The following DOCK10 variants were observed in gnomAD, a reference collection of about 807,000 sequenced individuals.
The protein encoded by DOCK10 is dedicator of cytokinesis protein 10.
DOCK10 carries 145 observed loss-of-function variants against 280.1 expected under a neutral mutation model. The ratio of observed to expected loss-of-function variants is 0.52; its 90% CI spans 0.45 to 0.59. The LOEUF is 0.59. Among genes scored for constraint, DOCK10 ranks in the 20% least tolerant of loss-of-function variants. The pLI is 0.00. For synonymous variants in DOCK10, 915 were observed against 942.2 expected (o/e 0.97, Z 0.53); for missense variants, 2,368 against 2,651.7 (o/e 0.89, Z 2.35).
chr2:224,962,683 C>T (rs574804311), intron 1 of DOCK10, among the ~76,000 whole-genome samples: 4 of 152,256 alleles, frequency 2.6e-5, no homozygotes, highest in African/African-American at 4.8e-5. Context: ...GAATTAGGAG[C>T]CAGAATGCAT....
chr2:224,957,296 G>GCCT (rs1553622591), intron 1 of DOCK10, among the ~76,000 whole-genome samples: 1 of 59,104 alleles, frequency 1.7e-5, no homozygotes, highest in Non-Finnish European at 4.2e-5. Context: ...CCCCCCCCCG[G>GCCT]CTTTGTTTTT....
At chr2:224,769,076 A>C in intron 55 of DOCK10, 1 of 375,754 alleles carries the variant, frequency 2.7e-6, no homozygotes. Context: ...TTTTTATTTC[A>C]CTCCCAGATT....
chr2:224,829,738 C>A (rs903398456), intron 27 of DOCK10, among the ~76,000 whole-genome samples: 5 of 152,172 alleles, frequency 3.3e-5, no homozygotes, highest in African/African-American at 1.2e-4. Flanking sequence ...GGTGAGTCAC[C>A]AAGACCTTCG....
At chr2:224,829,888 A>C (rs1405645807) in intron 27 of DOCK10, among the ~76,000 whole-genome samples, 1 of 152,172 alleles carries the variant, frequency 6.6e-6, no homozygotes, top group Non-Finnish European at 1.5e-5. Flanking sequence ...TCCTTTCAGG[A>C]GGGGAGGCCC....
At chr2:224,781,942 A>T (rs983029033) in intron 50 of DOCK10, among the ~76,000 whole-genome samples, 1 of 152,084 alleles carries the variant, frequency 6.6e-6, no homozygotes, top group African/African-American at 2.4e-5. Flanking sequence ...ATTTTATTAG[A>T]CTCATTCAAA....
In DOCK10 at chr2:224,834,236, C is replaced by A. The variant is rs1235420916; in HGVS notation, c.2878G>T (p.Glu960Ter). ...GCCAGTTCCTCATGTACAGTCCTCT[C>A]CTTGCATGCCCTGGTCTTGAACACG... ...KFVFKTRACK[E>*]RTVHEELAKN... Residue 960 changes from glutamate to a stop codon, truncating the protein, a stop_gained, in exon 26 of 56, where the codon GAG (glutamate) becomes TAG (stop). Coordinates refer to ENST00000258390, the MANE Select transcript of DOCK10 (RefSeq NM_014689.3). LOFTEE classifies it high-confidence loss of function. 1 of 1,611,572 alleles carries A rather than the reference C, an allele frequency of 6.2e-7. No homozygotes were observed. The highest frequency in any genetic ancestry group is 1.7e-5 in the Admixed American group (1 of 59,868).
chr2:225,000,205 GACACACACAC>G (rs773265503), intron 1 of DOCK10, among the ~76,000 whole-genome samples: 1 of 121,128 alleles, frequency 8.3e-6, no homozygotes, highest in Non-Finnish European at 1.9e-5. Flanking sequence ...CACACACACA[GACACACACAC>G]ACACACACAG....
chr2:225,010,169 C>A (rs1301313243), intron 1 of DOCK10, among the ~76,000 whole-genome samples: 1 of 152,070 alleles, frequency 6.6e-6, no homozygotes, highest in Admixed American at 6.6e-5. Flanking sequence ...ATCTCATCTG[C>A]CAGCAACCAA....
At chr2:224,858,190 G>A (rs1036332845) in intron 14 of DOCK10, among the ~76,000 whole-genome samples, 2 of 152,172 alleles carry the variant, frequency 1.3e-5, no homozygotes, top group African/African-American at 4.8e-5. Flanking sequence ...TTTTTAATTA[G>A]TGACTTCCAT....
At chr2:224,862,934 T>C (rs1357535117) in intron 13 of DOCK10, among the ~76,000 whole-genome samples, 188 bp from the exon 14 acceptor site, 2 of 152,254 alleles carry the variant, frequency 1.3e-5, no homozygotes, top group East Asian at 3.8e-4. Flanking sequence ...ATAATGTTTT[T>C]CTTTCTTTCT....
chr2:224,849,634 T>G (rs772317112), intron 18 of DOCK10, 35 bp from the exon 19 acceptor site: 9 of 1,416,102 alleles, frequency 6.4e-6, no homozygotes, highest in Non-Finnish European at 7.8e-6. Flanking sequence ...CAATTATGAG[T>G]GTCTGAAATT....
chr2:224,961,285 T>C (rs924704666), intron 1 of DOCK10, among the ~76,000 whole-genome samples: 9 of 152,312 alleles, frequency 5.9e-5, no homozygotes, highest in Admixed American at 1.3e-4. Flanking sequence ...AAAGCTAAAC[T>C]GACCTTCTCA....
At chr2:224,815,139 A>C (rs554071677) in intron 30 of DOCK10, among the ~76,000 whole-genome samples, 1 of 152,038 alleles carries the variant, frequency 6.6e-6, no homozygotes, top group Non-Finnish European at 1.5e-5. Context: ...CATGACAGTA[A>C]GTGAGTTCTC....
chr2:224,853,033 C>A lies in DOCK10; in HGVS notation c.1978G>T (p.Asp660Tyr). The change falls in exon 17 of 56, where the codon GAT becomes TAT. Residue 660 changes from aspartate (D) to tyrosine (Y), a missense_variant. Around this residue, in one of 2 missense-constraint regions of DOCK10, gnomAD observed 1,209 missense variants for 1,250.9 expected, o/e 0.97. Transcript: ENST00000258390. ...PTVEVEEFVY[D>Y]STKYCRPYRV... The stretch of plus-strand genomic sequence containing the variant: ...TAAGGCCGACAATACTTTGTTGAAT[C>A]GTAAACAAATTCTTCCACCTCCACT... 1 of 1,611,798 alleles carries A rather than the reference C, an allele frequency of 6.2e-7. No homozygotes were observed. The highest frequency in any genetic ancestry group is 8.5e-7 in the Non-Finnish European group (1 of 1,178,430).
At chr2:224,967,840 T>G (rs1267297542) in intron 1 of DOCK10, among the ~76,000 whole-genome samples, 2 of 152,160 alleles carry the variant, frequency 1.3e-5, no homozygotes, top group African/African-American at 2.4e-5. Context: ...CCTCAAATGT[T>G]TTCAATTTTT....
At chr2:224,888,334 C>T (rs1461803769) in intron 4 of DOCK10, among the ~76,000 whole-genome samples, 1 of 147,428 alleles carries the variant, frequency 6.8e-6, no homozygotes, top group Non-Finnish European at 1.5e-5. Flanking sequence ...CGTGTGTATA[C>T]ATGTGTGAAT....
intron 2 of DOCK10, among the ~76,000 whole-genome samples, chr2:224,927,283 A>G (rs899738287): frequency 6.6e-6 from 1 of 152,222 alleles, no homozygotes; most frequent in African/African-American, 2.4e-5. Flanking sequence ...ATGGGGAACC[A>G]GATGACAGGG....
chr2:225,038,276 TAAA>T (rs5839086), intron 1 of DOCK10, among the ~76,000 whole-genome samples: 1 of 149,104 alleles, frequency 6.7e-6, no homozygotes, highest in African/African-American at 2.5e-5. Context: ...CCCACTCAAT[TAAA>T]AAAAAAAAAA....
intron 13 of DOCK10, 28 bp downstream of exon 13, chr2:224,864,525 T>G (rs1176828462): frequency 2.0e-6 from 3 of 1,510,968 alleles, no homozygotes; most frequent in African/African-American, 1.4e-5. Flanking sequence ...AAAAAGGAAG[T>G]GAAGTTATTT....
Sources: allele counts gnomAD v4.1 joint callset (sites outside exome capture counted in the v4.1 genomes callset), GRCh38; gene constraint gnomAD v4.1.1; regional missense constraint gnomAD v4.1.1; transcripts MANE v1.5; gene names NCBI Gene and HGNC (gene_info 2026-07-23, HGNC 2026-07-21).